The following NR6A1 variants were observed in gnomAD, a reference collection of about 807,000 sequenced individuals.
NR6A1 encodes the protein nuclear receptor subfamily 6 group A member 1, also known as retinoic acid receptor-related testis-associated receptor.
Under a neutral mutation model 59.1 loss-of-function variants are expected in NR6A1, and 7 were observed. That is an observed-to-expected ratio of 0.12 (90% CI 0.07 to 0.22). The LOEUF (loss-of-function observed/expected upper bound fraction) is 0.22. Among genes scored for constraint, NR6A1 ranks in the 10% least tolerant of loss-of-function variants. The probability of loss-of-function intolerance (pLI) is 1.00; values close to 1 mark genes in which losing one functional copy is unlikely to be tolerated. For synonymous variants in NR6A1, 243 were observed against 236.1 expected, an observed-to-expected ratio of 1.03 and a Z score of -0.27; for missense variants, 468 against 611.6, an observed-to-expected ratio of 0.77 and a Z score of 2.48.
intron 2 of NR6A1, among the ~76,000 whole-genome samples, chr9:124,684,208 T>C (rs1838256406): frequency 6.6e-6 from 1 of 152,044 alleles, no homozygotes; most frequent in Admixed American, 6.6e-5. Flanking sequence ...TAAAAAGGAG[T>C]GACAGAAGTC....
chr9:124,658,030 A>G (rs1379093956), intron 2 of NR6A1, among the ~76,000 whole-genome samples: 1 of 152,216 alleles, frequency 6.6e-6, no homozygotes, highest in Non-Finnish European at 1.5e-5. Context: ...AAATTTTCAA[A>G]TCAAATAATT....
chr9:124,568,557 T>C (rs1344306395), intron 2 of NR6A1, among the ~76,000 whole-genome samples: 1 of 151,710 alleles, frequency 6.6e-6, no homozygotes, highest in African/African-American at 2.4e-5. Context: ...AATCAACCCA[T>C]GCTTTCCAAA....
intron 1 of NR6A1, among the ~76,000 whole-genome samples, chr9:124,733,581 G>C (rs1839943161): frequency 6.6e-6 from 1 of 152,100 alleles, no homozygotes; most frequent in African/African-American, 2.4e-5. Flanking sequence ...GATTAAACAA[G>C]TTACCAAAAT....
At chr9:124,672,278 T>G (rs556634808) in intron 2 of NR6A1, among the ~76,000 whole-genome samples, 19 of 152,290 alleles carry the variant, frequency 1.2e-4, no homozygotes, top group African/African-American at 4.1e-4. Context: ...TGTACATATC[T>G]TTCAGTGCAC....
At chr9:124,554,631 G>A in intron 2 of NR6A1, 61 bp from the exon 3 acceptor site, 1 of 1,606,480 alleles carries the variant, frequency 6.2e-7, no homozygotes, top group Admixed American at 1.7e-5. Context: ...AGTTCCTAAA[G>A]TGAGCAACTC....
intron 2 of NR6A1, among the ~76,000 whole-genome samples, chr9:124,703,268 A>G (rs1839020926): frequency 7.1e-6 from 1 of 141,272 alleles, no homozygotes. Flanking sequence ...CCTGGAGTAT[A>G]GTGGCACAAT....
intron 1 of NR6A1, among the ~76,000 whole-genome samples, chr9:124,754,403 T>A (rs1038192139): frequency 6.6e-6 from 1 of 152,210 alleles, no homozygotes; most frequent in Non-Finnish European, 1.5e-5. Flanking sequence ...GACAGTTAAT[T>A]ACCTTTTAAG....
intron 2 of NR6A1, among the ~76,000 whole-genome samples, chr9:124,597,824 A>G (rs2130814074): frequency 6.6e-6 from 1 of 152,316 alleles, no homozygotes; most frequent in South Asian, 2.1e-4. Context: ...ATGTGAATGC[A>G]AAAGATGAAC....
intron 2 of NR6A1, among the ~76,000 whole-genome samples, chr9:124,732,957 A>G (rs774882781): frequency 6.6e-6 from 1 of 152,116 alleles, no homozygotes; most frequent in Non-Finnish European, 1.5e-5. Context: ...TCAGCCTCCC[A>G]AAGTGCTGGG....
intron 2 of NR6A1, among the ~76,000 whole-genome samples, chr9:124,607,856 G>A (rs748606113): frequency 3.9e-5 from 6 of 152,082 alleles, no homozygotes; most frequent in Non-Finnish European, 5.9e-5. Context: ...ACCAACCTGG[G>A]CAACATAGCG....
At chr9:124,532,333 A>T (rs562974886) in intron 7 of NR6A1, among the ~76,000 whole-genome samples, 113 of 152,278 alleles carry the variant, frequency 7.4e-4, no homozygotes, top group Middle Eastern at 3.4e-3. Flanking sequence ...TGCAGCTCAA[A>T]TGTCTGTTCC....
intron 2 of NR6A1, among the ~76,000 whole-genome samples, chr9:124,570,280 A>G (rs1156535594): frequency 2.6e-5 from 4 of 152,218 alleles, no homozygotes; most frequent in Non-Finnish European, 5.9e-5. Flanking sequence ...TTCAATTCTA[A>G]AACCCTCTTT....
At chr9:124,723,079 A>T (rs1178865456) in intron 2 of NR6A1, among the ~76,000 whole-genome samples, 2 of 152,188 alleles carry the variant, frequency 1.3e-5, no homozygotes, top group Middle Eastern at 3.4e-3. Context: ...CTATATATTA[A>T]TACATACTAT....
At chr9:124,637,773 T>A (rs931129884) in intron 2 of NR6A1, among the ~76,000 whole-genome samples, 11 of 150,992 alleles carry the variant, frequency 7.3e-5, no homozygotes, top group Non-Finnish European at 1.5e-4. Context: ...ACGCCTGTAG[T>A]CCCAGCTACT....
intron 2 of NR6A1, among the ~76,000 whole-genome samples, chr9:124,672,318 T>TA (rs918333125): frequency 6.6e-6 from 1 of 152,128 alleles, no homozygotes; most frequent in Non-Finnish European, 1.5e-5. Context: ...GGTATATGCC[T>TA]AGAAATGGAA....
intron 2 of NR6A1, among the ~76,000 whole-genome samples, chr9:124,637,527 G>A (rs777197239): frequency 1.3e-5 from 2 of 152,144 alleles, no homozygotes; most frequent in Non-Finnish European, 2.9e-5. Context: ...AAGAAAAAAA[G>A]ACTCAAGAGA....
At chr9:124,552,726 G>C (rs545135711) in intron 3 of NR6A1, among the ~76,000 whole-genome samples, 7 of 152,138 alleles carry the variant, frequency 4.6e-5, no homozygotes, top group Non-Finnish European at 1.0e-4. Context: ...GTTAATAACA[G>C]GGTTGTTGTA....
intron 2 of NR6A1, among the ~76,000 whole-genome samples, chr9:124,712,621 A>G (rs1202105397): frequency 1.3e-5 from 2 of 148,630 alleles, no homozygotes; most frequent in African/African-American, 4.9e-5. Flanking sequence ...AAAAAAAAAA[A>G]GTCTTTTGAA....
chr9:124,695,116 C>T (rs1249910213), intron 2 of NR6A1, among the ~76,000 whole-genome samples: 1 of 152,222 alleles, frequency 6.6e-6, no homozygotes, highest in Non-Finnish European at 1.5e-5. Context: ...ATGTCATCCA[C>T]TTTTCAACTA....
Sources: allele counts gnomAD v4.1 joint callset (sites outside exome capture counted in the v4.1 genomes callset), GRCh38; gene constraint gnomAD v4.1.1; transcripts MANE v1.5; gene names NCBI Gene and HGNC (gene_info 2026-07-23, HGNC 2026-07-21).